TPH2: variants seen among roughly 807,000 people sequenced by gnomAD.
The protein encoded by TPH2 is tryptophan 5-hydroxylase 2.
A neutral mutation model predicts 59.1 loss-of-function variants in TPH2; 27 were observed. That is an observed-to-expected ratio of 0.46 (90% confidence interval 0.34 to 0.63). The LOEUF (loss-of-function observed/expected upper bound fraction) is 0.63, where lower values mean the gene tolerates loss of function less well. Among genes scored for constraint, TPH2 ranks in the 30% least tolerant of loss-of-function variants. TPH2 has a pLI of 0.01. For missense variants in TPH2, 523 were observed against 588.3 expected (o/e 0.89, Z 1.15); for synonymous variants, 220 against 210.5 (o/e 1.05, Z -0.39).
chr12:72,019,618 A>G (rs116396013), intron 8 of TPH2, among the ~76,000 whole-genome samples: 4 of 152,200 alleles, frequency 2.6e-5, no homozygotes, highest in African/African-American at 9.7e-5. Flanking sequence ...TGGTTTTGTT[A>G]TACATAGAAT....
rs149109950 is a variant in TPH2, at chr12:72,001,512, G to A, written c.1068+6947G>A. On this transcript the variant is annotated intron_variant, in intron 8 of 10. Transcript: ENST00000333850. ...GTGATCTCAGCTCACTGTAACCTCC[G>A]CCTCCCAGGTTCAGGTGATTCTCCT... Among the ~76,000 whole-genome samples, 254 of 150,340 alleles carry A rather than the reference G, an allele frequency of 1.7e-3. 1 individual carries two copies. Among genetic ancestry groups the A allele is most frequent in the African/African-American group, 6.1e-3 (247 of 40,790 alleles).
chr12:72,026,962 G>A (rs138057629), intron 9 of TPH2, among the ~76,000 whole-genome samples: 85 of 152,018 alleles, frequency 5.6e-4, no homozygotes, highest in African/African-American at 2.0e-3. Context: ...TTTTGATGTG[G>A]AAAAAGATGA....
intron 6 of TPH2, among the ~76,000 whole-genome samples, chr12:71,977,299 C>A (rs140769335): frequency 6.6e-6 from 1 of 152,216 alleles, no homozygotes; most frequent in Non-Finnish European, 1.5e-5. Context: ...TCAAACCATC[C>A]ACCCACCTTG....
chr12:71,985,289 CA>C (rs1872399304), intron 7 of TPH2, among the ~76,000 whole-genome samples: 1 of 152,192 alleles, frequency 6.6e-6, no homozygotes, highest in Admixed American at 6.5e-5. Flanking sequence ...TAACACTAAA[CA>C]AAAATACTCA....
chr12:72,015,389 G>T (rs564336687), intron 8 of TPH2, among the ~76,000 whole-genome samples: 2 of 131,536 alleles, frequency 1.5e-5, no homozygotes, highest in South Asian at 5.0e-4. Flanking sequence ...GTGCGATCTT[G>T]GTTCACTGCA....
intron 8 of TPH2, among the ~76,000 whole-genome samples, chr12:71,999,531 C>A (rs984316716): frequency 5.3e-5 from 8 of 152,100 alleles, no homozygotes; most frequent in Non-Finnish European, 7.4e-5. Context: ...AGTTTTGAGA[C>A]CTGCTATTTA....
rs80247443 is a variant in TPH2, at chr12:71,997,426, T to G, written c.1068+2861T>G. 1.4e-3 allele frequency among the ~76,000 whole-genome samples: 216 copies of G among 152,340 alleles called. 2 individuals carry two copies. The East Asian group carries it at 0.022, about 15-fold the overall frequency. On this transcript the variant is annotated intron_variant, in intron 8 of 10. Coordinates refer to ENST00000333850, the MANE Select transcript of TPH2 (RefSeq NM_173353.4). Reference sequence around the variant, plus strand: ...GGATCATTATTCTTTGTTTCTACTTTTACACTTTCTGGGAAAAATGAATAC... The same window carrying G: ...GGATCATTATTCTTTGTTTCTACTTGTACACTTTCTGGGAAAAATGAATAC...
chr12:71,979,205 G>C, intron 7 of TPH2, 118 bp downstream of exon 7: 1 of 1,411,374 alleles, frequency 7.1e-7, no homozygotes, highest in Non-Finnish European at 9.9e-7. Flanking sequence ...GCTAGTGAGA[G>C]TCACATCACT....
At chr12:72,002,712 G>A (rs10506646) in intron 8 of TPH2, among the ~76,000 whole-genome samples, 37,604 of 151,234 alleles carry the variant, frequency 0.25, 4,664 homozygotes, top group East Asian at 0.3. Flanking sequence ...TTGAAAGGGC[G>A]AAATTCATTG....
chr12:71,976,503 A>G (rs979290188), intron 6 of TPH2, among the ~76,000 whole-genome samples: 6 of 152,196 alleles, frequency 3.9e-5, no homozygotes, highest in African/African-American at 1.4e-4. Flanking sequence ...TCTAATTCAC[A>G]TAAAAATAAA....
chr12:71,948,031 T>A (rs1201236425), intron 4 of TPH2, among the ~76,000 whole-genome samples: 1 of 152,182 alleles, frequency 6.6e-6, no homozygotes, highest in Non-Finnish European at 1.5e-5. Flanking sequence ...GGTTTTACCA[T>A]CTCAAGTAGC....
chr12:72,017,223 C>T (rs1049151225), intron 8 of TPH2, among the ~76,000 whole-genome samples: 7 of 152,108 alleles, frequency 4.6e-5, no homozygotes, highest in Non-Finnish European at 1.0e-4. Flanking sequence ...CGAACTGCTG[C>T]GAGAATGGTG....
intron 8 of TPH2, among the ~76,000 whole-genome samples, chr12:72,003,527 T>G (rs1872877414): frequency 6.6e-6 from 1 of 152,214 alleles, no homozygotes; most frequent in South Asian, 2.1e-4. Context: ...CTGTCCTTTT[T>G]CACTATTTTC....
At position 72,029,331 on chromosome 12, in the gene TPH2, T is replaced by C. The variant is rs546704009; in HGVS notation, c.1165-1927T>C. On this transcript the variant is annotated intron_variant, in intron 9 of 10. Coordinates refer to ENST00000333850, the MANE Select transcript of TPH2 (RefSeq NM_173353.4). ...TGAGAGAGTAGGAAGACTAAACACA[T>C]TGAGCCAGCCACAGTCCTTTCCATA... is the stretch of plus-strand genomic sequence containing the variant. Among the ~76,000 whole-genome samples, 24 of 152,292 alleles carry C rather than the reference T, an allele frequency of 1.6e-4. 1 individual carries two copies. The South Asian group carries it at 1.7e-3, about 11-fold the overall frequency.
At chr12:72,024,037 C>T (rs766534242) in intron 9 of TPH2, among the ~76,000 whole-genome samples, 1 of 151,864 alleles carries the variant, frequency 6.6e-6, no homozygotes, top group African/African-American at 2.4e-5. Context: ...GGCTCAAATC[C>T]CAGCCATCTA....
At chr12:72,011,922 C>A (rs1440017296) in intron 8 of TPH2, among the ~76,000 whole-genome samples, 1 of 152,100 alleles carries the variant, frequency 6.6e-6, no homozygotes, top group Non-Finnish European at 1.5e-5. Context: ...AAAGAGCAGA[C>A]CTATTTCTAA....
intron 8 of TPH2, among the ~76,000 whole-genome samples, chr12:72,002,796 A>T (rs1027357952): frequency 1.3e-5 from 2 of 151,920 alleles, no homozygotes; most frequent in Admixed American, 1.3e-4. Context: ...CAGGAAATTA[A>T]TAATACAGGG....
At chr12:71,987,671 A>C (rs1051691196) in intron 7 of TPH2, among the ~76,000 whole-genome samples, 7 of 152,092 alleles carry the variant, frequency 4.6e-5, no homozygotes, top group Non-Finnish European at 8.8e-5. Flanking sequence ...CCAACATGAT[A>C]AAAACCCGTC....
At chr12:71,939,900 T>C (rs1236496527) in intron 1 of TPH2, among the ~76,000 whole-genome samples, 1 of 152,198 alleles carries the variant, frequency 6.6e-6, no homozygotes, top group African/African-American at 2.4e-5. Context: ...ATCAACCAAA[T>C]CCAATTCAGT....
Sources: allele counts gnomAD v4.1 joint callset (sites outside exome capture counted in the v4.1 genomes callset), GRCh38; gene constraint gnomAD v4.1.1; transcripts MANE v1.5; gene names NCBI Gene and HGNC (gene_info 2026-07-23, HGNC 2026-07-21).